PLPPR1: variants seen among roughly 807,000 people sequenced by gnomAD.
PLPPR1 encodes phospholipid phosphatase related 1.
In PLPPR1, 10 loss-of-function variants were observed where a neutral mutation model predicts 33.1. The ratio of observed to expected loss-of-function variants is 0.30; its 90% CI spans 0.19 to 0.51. The LOEUF is 0.51. PLPPR1 is among the 20% of genes least tolerant of loss of function. The pLI, the probability that PLPPR1 is intolerant of heterozygous loss-of-function variation, is 0.97. For missense variants in PLPPR1, 304 were observed against 408.1 expected (o/e 0.74, Z 2.20); for synonymous variants, 151 against 151.0 (o/e 1.00, Z 0.00).
intron 1 of PLPPR1, among the ~76,000 whole-genome samples, chr9:101,073,059 A>G (rs2118492857): frequency 6.6e-6 from 1 of 152,324 alleles, no homozygotes; most frequent in East Asian, 1.9e-4. Flanking sequence ...AAAGGTAGCT[A>G]CTATTATTAT....
intron 1 of PLPPR1, among the ~76,000 whole-genome samples, chr9:101,054,286 A>G (rs910613447): frequency 2.0e-5 from 3 of 152,234 alleles, no homozygotes; most frequent in Non-Finnish European, 4.4e-5. Flanking sequence ...ACATTGAACT[A>G]TAATTTCCTC....
At chr9:101,079,599 A>G (rs1830592871) in intron 1 of PLPPR1, among the ~76,000 whole-genome samples, 2 of 125,424 alleles carry the variant, frequency 1.6e-5, no homozygotes, top group South Asian at 5.0e-4. Context: ...TTTTTTTTTG[A>G]GACAGAGTCT....
At chr9:101,157,138 T>G (rs569552859) in intron 1 of PLPPR1, among the ~76,000 whole-genome samples, 113 of 152,348 alleles carry the variant, frequency 7.4e-4, no homozygotes, top group African/African-American at 2.6e-3. Flanking sequence ...TGACAGATTC[T>G]AAATACCTAA....
chr9:101,142,162 G>A (rs1051603373), intron 1 of PLPPR1, among the ~76,000 whole-genome samples: 6 of 152,126 alleles, frequency 3.9e-5, no homozygotes, highest in African/African-American at 1.4e-4. Flanking sequence ...AGTGAAAGGA[G>A]GTACAGAAAG....
intron 2 of PLPPR1, among the ~76,000 whole-genome samples, chr9:101,197,241 C>A (rs1238760055): frequency 6.6e-6 from 1 of 152,154 alleles, no homozygotes; most frequent in Admixed American, 6.5e-5. Flanking sequence ...CCTCACCCTG[C>A]CATTGCTAGC....
chr9:101,306,577 C>T (rs1828863193), intron 4 of PLPPR1, among the ~76,000 whole-genome samples: 1 of 152,178 alleles, frequency 6.6e-6, no homozygotes, highest in African/African-American at 2.4e-5. Flanking sequence ...TACTTCTGGA[C>T]TTTTGTGTCT....
At chr9:101,183,697 GT>G (rs1564168896) in intron 1 of PLPPR1, among the ~76,000 whole-genome samples, 4 of 5,022 alleles carry the variant, frequency 8.0e-4, no homozygotes, top group African/African-American at 1.1e-3. Context: ...CTCTTTGTGT[GT>G]GTGTGTGTGT....
chr9:101,289,196 G>A (rs1306255332), intron 4 of PLPPR1, among the ~76,000 whole-genome samples: 2 of 152,206 alleles, frequency 1.3e-5, no homozygotes, highest in African/African-American at 4.8e-5. Flanking sequence ...CACTTTACAA[G>A]CTGGCCAAAC....
At chr9:101,044,157 A>C (rs889425145) in intron 1 of PLPPR1, among the ~76,000 whole-genome samples, 5 of 152,230 alleles carry the variant, frequency 3.3e-5, no homozygotes, top group Non-Finnish European at 7.3e-5. Context: ...GAACGCAAAC[A>C]AATTAGCAAG....
chr9:101,050,587 A>G (rs1234889035), intron 1 of PLPPR1, among the ~76,000 whole-genome samples: 1 of 152,156 alleles, frequency 6.6e-6, no homozygotes, highest in African/African-American at 2.4e-5. Flanking sequence ...GGAGTATTGT[A>G]AGGACGTGTT....
At chr9:101,227,734 G>T (rs1234333569) in intron 2 of PLPPR1, among the ~76,000 whole-genome samples, 1 of 152,112 alleles carries the variant, frequency 6.6e-6, no homozygotes, top group African/African-American at 2.4e-5. Context: ...AGAACCCACA[G>T]TTATTCAGAA....
At chr9:101,139,088 A>G (rs1831413720) in intron 1 of PLPPR1, among the ~76,000 whole-genome samples, 1 of 152,172 alleles carries the variant, frequency 6.6e-6, no homozygotes, top group Admixed American at 6.5e-5. Context: ...AATGATACCA[A>G]TGTCTTCAAA....
chr9:101,285,142 C>T (rs180871637), intron 3 of PLPPR1, among the ~76,000 whole-genome samples: 42 of 152,226 alleles, frequency 2.8e-4, no homozygotes, highest in African/African-American at 6.3e-4. Flanking sequence ...TAATAGATAA[C>T]GGTAATTAAC....
rs1308667603 is a variant in PLPPR1 at position 101,312,818 on chromosome 9, C to G, written c.657C>G (p.Ile219Met). 3.1e-6 allele frequency: 5 copies of G among 1,614,086 alleles called. No homozygotes were observed. The South Asian group carries it at 4.4e-5, about 14-fold the overall frequency. Residue 219 changes from isoleucine to methionine, a missense_variant, in exon 6 of 8, where the codon ATC becomes ATG. Coordinates refer to ENST00000374874, the MANE Select transcript of PLPPR1 (RefSeq NM_207299.2). ...LYATMYITST[I>M]KTKSSRLAKP... Reference sequence around the variant, plus strand: ...TCCAGATGTATATTACAAGCACAATCAAGACGAAGAGCAGTCGACTGGCCA... The same window carrying G: ...TCCAGATGTATATTACAAGCACAATGAAGACGAAGAGCAGTCGACTGGCCA...
intron 4 of PLPPR1, among the ~76,000 whole-genome samples, chr9:101,293,296 C>G (rs1828554783): frequency 6.6e-6 from 1 of 151,764 alleles, no homozygotes; most frequent in African/African-American, 2.4e-5. Context: ...CACCCAGATT[C>G]ATAAAGCAAG....
chr9:101,314,124 A>C (rs1829010312), intron 6 of PLPPR1, among the ~76,000 whole-genome samples: 1 of 152,204 alleles, frequency 6.6e-6, no homozygotes, highest in Admixed American at 6.5e-5. Context: ...ACTGTGCATG[A>C]AATGAATCCC....
rs928024811 is a variant in PLPPR1, at chr9:101,201,116, C to A, written c.63+15559C>A. ...GGCTGCATCCTCTGGAGGGGACAAA[C>A]ACCATGTCCTCACATGACAGGACAA... On this transcript the variant is annotated intron_variant, in intron 2 of 7. Coordinates refer to ENST00000374874, the MANE Select transcript of PLPPR1 (RefSeq NM_207299.2). Among the ~76,000 whole-genome samples the A allele has an allele frequency of 6.2e-4, 94 of 152,208 alleles. 3 individuals carry two copies. Among genetic ancestry groups the A allele is most frequent in the Admixed American group, 6.1e-3 (93 of 15,282 alleles).
chr9:101,260,099 A>C (rs1827870383), intron 2 of PLPPR1, among the ~76,000 whole-genome samples: 1 of 152,016 alleles, frequency 6.6e-6, no homozygotes, highest in African/African-American at 2.4e-5. Flanking sequence ...CTATAACCTC[A>C]CTGAGGCCAG....
chr9:101,299,916 T>C (rs7865487), intron 4 of PLPPR1, among the ~76,000 whole-genome samples: 58,551 of 151,942 alleles, frequency 0.39, 12,169 homozygotes, highest in African/African-American at 0.56. Flanking sequence ...CTCACTCCTC[T>C]AGTAGTGACA....
Sources: allele counts gnomAD v4.1 joint callset (sites outside exome capture counted in the v4.1 genomes callset), GRCh38; gene constraint gnomAD v4.1.1; transcripts MANE v1.5; gene names NCBI Gene and HGNC (gene_info 2026-07-23, HGNC 2026-07-21).